Variants in PHF20 observed in about 807,000 individuals in gnomAD.
The protein encoded by PHF20 is PHD finger protein 20, also known as glioma-expressed antigen 2.
Under a neutral mutation model 113.5 loss-of-function variants are expected in PHF20, and 23 were observed. That is an observed-to-expected ratio of 0.20 (90% CI 0.15 to 0.29). PHF20 has a LOEUF of 0.29. PHF20 is among the 10% of genes least tolerant of loss of function. The pLI is 1.00. For missense variants in PHF20, 943 were observed against 1,219.6 expected (o/e 0.77, Z 3.38); for synonymous variants, 434 against 457.3 (o/e 0.95, Z 0.65).
chr20:35,871,285 C>A (rs1468389855), intron 8 of PHF20, 151 bp downstream of exon 8: 8 of 697,562 alleles, frequency 1.1e-5, no homozygotes, highest in Non-Finnish European at 1.7e-5. Context: ...ATGTATTGCT[C>A]TTCACTGATG....
chr20:35,823,749 G>C (rs1190023791), intron 2 of PHF20, among the ~76,000 whole-genome samples: 2 of 151,386 alleles, frequency 1.3e-5, no homozygotes, highest in Non-Finnish European at 2.9e-5. Flanking sequence ...GGCACCTCCA[G>C]CTCCTGTCAC....
At position 35,869,613 on chromosome 20, in the gene PHF20, A is replaced by G. The variant is rs1008564160; in HGVS notation, c.922+62A>G. On this transcript the variant is annotated intron_variant, in intron 7 of 17. Transcript: ENST00000374012. ...GACGTTGTTTGGGTCAACTTCCTCT[A>G]TATTCATCCTGTCCCCCATTCCCTA... The G allele has an allele frequency of 8.2e-6, 7 of 857,102 alleles. No homozygotes were observed. The East Asian group carries it at 9.8e-5, about 12-fold the overall frequency. 53.1% of individuals were successfully genotyped at this position (857,102 alleles called of 1,614,324 possible).
chr20:35,818,139 T>C (rs1043910708), intron 2 of PHF20, among the ~76,000 whole-genome samples: 13 of 151,632 alleles, frequency 8.6e-5, no homozygotes, highest in Non-Finnish European at 1.9e-4. Context: ...CAAAAAAAAT[T>C]AGGCGCATGC....
intron 15 of PHF20, among the ~76,000 whole-genome samples, chr20:35,932,872 A>C (rs1212491035): frequency 6.6e-6 from 1 of 152,144 alleles, no homozygotes; most frequent in Non-Finnish European, 1.5e-5. Flanking sequence ...AAAGCCCCTG[A>C]CAACCAGTAT....
intron 4 of PHF20, among the ~76,000 whole-genome samples, chr20:35,847,677 A>G (rs1257682902): frequency 6.6e-6 from 1 of 152,218 alleles, no homozygotes; most frequent in Admixed American, 6.6e-5. Context: ...AAACAGTCAC[A>G]GTTCATCTGT....
intron 15 of PHF20, among the ~76,000 whole-genome samples, chr20:35,934,911 T>G (rs1468562178): frequency 1.3e-5 from 2 of 152,208 alleles, no homozygotes; most frequent in Non-Finnish European, 2.9e-5. Context: ...CAAATGAATT[T>G]GTTTTTAATG....
chr20:35,927,431 G>T (rs185453280), intron 13 of PHF20, among the ~76,000 whole-genome samples: 2 of 152,296 alleles, frequency 1.3e-5, no homozygotes, highest in East Asian at 3.9e-4. Flanking sequence ...TTGCAGATGG[G>T]GAAAATAAAG....
rs142365800 is a variant in PHF20 at position 35,796,062 on chromosome 20, G to A, written c.-32-5429G>A. 2.2e-3 allele frequency among the ~76,000 whole-genome samples: 335 copies of A among 152,158 alleles called. 1 individual carries two copies. The highest frequency in any genetic ancestry group is 7.7e-3 in the African/African-American group (319 of 41,518). ...AGACGGGGTTTCACTATGTTTACCTGGGTGGTCTTGATCTCTTGACCTCAT... is the reference window on the plus strand; with the variant it reads ...AGACGGGGTTTCACTATGTTTACCTAGGTGGTCTTGATCTCTTGACCTCAT... On this transcript the variant is annotated intron_variant, in intron 1 of 17. Coordinates refer to ENST00000374012, the MANE Select transcript of PHF20 (RefSeq NM_016436.5).
intron 17 of PHF20, among the ~76,000 whole-genome samples, chr20:35,941,564 T>C (rs1293058202): frequency 2.6e-5 from 4 of 152,212 alleles, no homozygotes; most frequent in African/African-American, 9.7e-5. Flanking sequence ...CGGACAGGCC[T>C]GGAGGATCAA....
chr20:35,790,647 C>T (rs538566194), intron 1 of PHF20, among the ~76,000 whole-genome samples: 2 of 152,066 alleles, frequency 1.3e-5, no homozygotes, highest in South Asian at 4.1e-4. Context: ...GGCTGAGGTC[C>T]AAACTCAGGC....
intron 6 of PHF20, among the ~76,000 whole-genome samples, chr20:35,864,230 A>G (rs887813562): frequency 6.6e-6 from 1 of 152,182 alleles, no homozygotes; most frequent in African/African-American, 2.4e-5. Flanking sequence ...AGCAGTATTT[A>G]TCTTTTTCTC....
At position 35,808,580 on chromosome 20, in the gene PHF20, T is replaced by G. The variant is rs1374380408; in HGVS notation, c.83+6975T>G. 2.0e-5 allele frequency among the ~76,000 whole-genome samples: 3 copies of G among 152,058 alleles called. No individual in the cohort carries two copies. In the East Asian group the frequency reaches 5.8e-4, roughly 29 times the overall value. On this transcript the variant is annotated intron_variant, in intron 2 of 17. Transcript: ENST00000374012. ...ATCTTCATTTATTTATTTATTTTTATTTTTATTTTTTGAGACGGAGTCTCG... is the reference window on the plus strand; with the variant it reads ...ATCTTCATTTATTTATTTATTTTTAGTTTTATTTTTTGAGACGGAGTCTCG...
At chr20:35,926,378 C>T (rs1257295371) in intron 13 of PHF20, among the ~76,000 whole-genome samples, 1 of 151,114 alleles carries the variant, frequency 6.6e-6, no homozygotes, top group Non-Finnish European at 1.5e-5. Context: ...GCTGGGACTA[C>T]AGGCGCCCGC....
chr20:35,806,881 C>T (rs2041892418), intron 2 of PHF20, among the ~76,000 whole-genome samples: 1 of 150,982 alleles, frequency 6.6e-6, no homozygotes, highest in Non-Finnish European at 1.5e-5. Context: ...TTGCAAGCTC[C>T]GCCTCCCGGG....
At chr20:35,903,080 T>TTC (rs1295354979) in intron 10 of PHF20, among the ~76,000 whole-genome samples, 85 of 142,220 alleles carry the variant, frequency 6.0e-4, no homozygotes, top group Middle Eastern at 6.9e-3. Flanking sequence ...ATCCTTTCTT[T>TTC]TTTTTTTTTT....
intron 6 of PHF20, among the ~76,000 whole-genome samples, chr20:35,865,069 G>A (rs2054290818): frequency 1.3e-5 from 2 of 152,040 alleles, no homozygotes; most frequent in Admixed American, 6.5e-5. Context: ...GTGGGTGCCT[G>A]TAATCCCAGC....
At chr20:35,842,856 T>C in intron 3 of PHF20, 112 bp downstream of exon 3, 1 of 757,990 alleles carries the variant, frequency 1.3e-6, no homozygotes, top group Non-Finnish European at 2.1e-6. Flanking sequence ...TTTAGGCCTA[T>C]AGTTGTAACC....
intron 13 of PHF20, among the ~76,000 whole-genome samples, chr20:35,919,361 A>T (rs1182666456): frequency 3.9e-5 from 5 of 127,350 alleles, no homozygotes; most frequent in African/African-American, 1.5e-4. Context: ...TTTTTTTGAG[A>T]CGGAGTCTCC....
chr20:35,829,908 T>C (rs547718972), intron 2 of PHF20, among the ~76,000 whole-genome samples: 1 of 151,106 alleles, frequency 6.6e-6, no homozygotes, highest in Admixed American at 6.6e-5. Context: ...CAGCCCAAGA[T>C]TTTTTCTTTT....
Sources: allele counts gnomAD v4.1 joint callset (sites outside exome capture counted in the v4.1 genomes callset), GRCh38; gene constraint gnomAD v4.1.1; transcripts MANE v1.5; gene names NCBI Gene and HGNC (gene_info 2026-07-23, HGNC 2026-07-21).